DGKB: variants seen among roughly 807,000 people sequenced by gnomAD.
The protein encoded by DGKB is diacylglycerol kinase beta, also known as 90 kDa diacylglycerol kinase.
DGKB carries 67 observed loss-of-function variants against 114.3 expected under a neutral mutation model. The ratio of observed to expected loss-of-function variants is 0.59; its 90% confidence interval spans 0.48 to 0.72. The LOEUF (loss-of-function observed/expected upper bound fraction) is 0.72, where lower values mean the gene tolerates loss of function less well. DGKB is among the 30% of genes least tolerant of loss of function. The pLI, the probability that DGKB is intolerant of heterozygous loss-of-function variation, is 0.00. For missense variants in DGKB, 907 were observed against 975.2 expected (o/e 0.93, Z 0.93); for synonymous variants, 398 against 323.1 (o/e 1.23, Z -2.49).
At chr7:14,314,681 G>C (rs894072603) in intron 23 of DGKB, among the ~76,000 whole-genome samples, 15 of 152,062 alleles carry the variant, frequency 9.9e-5, no homozygotes, top group African/African-American at 3.6e-4. Flanking sequence ...GTGATGGGGA[G>C]AATGGAACCA....
At chr7:14,950,320 A>G (rs745645468) in intron 1 of DGKB, among the ~76,000 whole-genome samples, 1 of 151,916 alleles carries the variant, frequency 6.6e-6, no homozygotes, top group African/African-American at 2.4e-5. Context: ...AGCTCAAATT[A>G]ATAACCTAAA....
chr7:14,638,466 T>C (rs1487415397), intron 13 of DGKB, among the ~76,000 whole-genome samples: 1 of 152,146 alleles, frequency 6.6e-6, no homozygotes, highest in Non-Finnish European at 1.5e-5. Flanking sequence ...TCTGATATAT[T>C]TTTTCTTGAC....
intron 13 of DGKB, among the ~76,000 whole-genome samples, chr7:14,660,968 T>G (rs866971594): frequency 0.013 from 1,979 of 149,744 alleles, 51 homozygotes; most frequent in African/African-American, 0.045. Flanking sequence ...ATTCCCTATT[T>G]AATAAATGGT....
intron 24 of DGKB, 140 bp from the exon 25 acceptor site, chr7:14,177,039 T>C: frequency 2.4e-6 from 2 of 844,650 alleles, no homozygotes; most frequent in Non-Finnish European, 3.6e-6. Context: ...GAAAGGAGCT[T>C]CAACTCTCCA....
intron 21 of DGKB, among the ~76,000 whole-genome samples, chr7:14,400,237 A>G (rs1822891923): frequency 6.6e-6 from 1 of 151,762 alleles, no homozygotes; most frequent in Non-Finnish European, 1.5e-5. Flanking sequence ...GTAAATAGTC[A>G]GAATAACCCA....
chr7:14,582,404 G>A (rs1406915521), intron 18 of DGKB, among the ~76,000 whole-genome samples: 4 of 152,094 alleles, frequency 2.6e-5, no homozygotes, highest in Admixed American at 1.3e-4. Context: ...AAAATCGAGC[G>A]TTTTCAGTTT....
At chr7:14,640,619 A>C (rs1811591545) in intron 13 of DGKB, among the ~76,000 whole-genome samples, 1 of 152,204 alleles carries the variant, frequency 6.6e-6, no homozygotes. Context: ...ATAAAGGGGA[A>C]CATGGGTTGA....
chr7:14,876,859 C>A (rs1340610426), intron 1 of DGKB, among the ~76,000 whole-genome samples: 1 of 152,146 alleles, frequency 6.6e-6, no homozygotes, highest in Admixed American at 6.6e-5. Context: ...TCAGTTGAAT[C>A]AAATTATAAA....
chr7:14,649,453 T>A (rs1311137350), intron 13 of DGKB, among the ~76,000 whole-genome samples: 12 of 151,008 alleles, frequency 7.9e-5, no homozygotes, highest in Non-Finnish European at 7.4e-5. Context: ...GCTGAGAGAT[T>A]TTGTCACCAC....
intron 13 of DGKB, among the ~76,000 whole-genome samples, chr7:14,649,204 A>G (rs992879264): frequency 1.4e-5 from 2 of 148,076 alleles, no homozygotes; most frequent in African/African-American, 5.0e-5. Flanking sequence ...CAGATTCACC[A>G]AAGTTGAAAT....
intron 1 of DGKB, among the ~76,000 whole-genome samples, chr7:14,884,851 A>C (rs1164219201): frequency 6.6e-6 from 1 of 152,010 alleles, no homozygotes; most frequent in Admixed American, 6.6e-5. Context: ...CTTTTTGTTA[A>C]GAAGCCAATG....
At chr7:14,164,714 T>C (rs1784385513) in intron 25 of DGKB, among the ~76,000 whole-genome samples, 6 of 152,200 alleles carry the variant, frequency 3.9e-5, no homozygotes, top group Admixed American at 2.6e-4. Flanking sequence ...TTCAAAGATG[T>C]CAAATACTGT....
chr7:14,156,452 G>A (rs532520126), intron 25 of DGKB, among the ~76,000 whole-genome samples: 22 of 152,196 alleles, frequency 1.4e-4, no homozygotes, highest in Admixed American at 2.6e-4. Flanking sequence ...TGGGCTATAT[G>A]TAAATAAATT....
intron 1 of DGKB, among the ~76,000 whole-genome samples, chr7:14,949,318 T>C (rs1003125459): frequency 2.6e-5 from 4 of 152,010 alleles, no homozygotes; most frequent in African/African-American, 9.7e-5. Context: ...TATTGTAGCA[T>C]ATGATTGTAT....
At chr7:14,664,287 C>T (rs764925678) in intron 13 of DGKB, among the ~76,000 whole-genome samples, 1 of 151,938 alleles carries the variant, frequency 6.6e-6, no homozygotes, top group Non-Finnish European at 1.5e-5. Context: ...ACAGTTTTCT[C>T]TCCTGGTTGC....
intron 5 of DGKB, among the ~76,000 whole-genome samples, chr7:14,727,227 A>C (rs1830156315): frequency 6.6e-6 from 1 of 152,156 alleles, no homozygotes; most frequent in South Asian, 2.1e-4. Flanking sequence ...AAATTTGAGG[A>C]CCAAATTTTA....
chr7:14,354,197 C>T (rs747962692), intron 21 of DGKB, among the ~76,000 whole-genome samples: 1 of 152,124 alleles, frequency 6.6e-6, no homozygotes, highest in Non-Finnish European at 1.5e-5. Flanking sequence ...GGAACATGTA[C>T]AGCCTAGTGA....
intron 1 of DGKB, among the ~76,000 whole-genome samples, chr7:14,850,732 C>T (rs1262885475): frequency 6.6e-6 from 1 of 152,142 alleles, no homozygotes; most frequent in Non-Finnish European, 1.5e-5. Context: ...ATAGTAAAAA[C>T]AGCAGAGTTA....
At chr7:14,859,665 A>T (rs1297318271) in intron 1 of DGKB, among the ~76,000 whole-genome samples, 1 of 152,076 alleles carries the variant, frequency 6.6e-6, no homozygotes. Context: ...TCTCTATCCA[A>T]CCCTCTGAAA....
Sources: gnomAD v4.1 joint callset for allele counts (sites outside exome capture counted in the v4.1 genomes callset) on GRCh38, gnomAD v4.1.1 for gene constraint, MANE v1.5 for transcripts, NCBI Gene and HGNC (gene_info 2026-07-23, HGNC 2026-07-21) for gene names.